Variants in SCLT1 observed in about 807,000 individuals in gnomAD.
SCLT1 encodes sodium channel-associated protein 1.
In SCLT1, 78 loss-of-function variants were observed where a neutral mutation model predicts 112.8. That is an observed-to-expected ratio of 0.69 (90% confidence interval 0.58 to 0.83). The LOEUF (loss-of-function observed/expected upper bound fraction) is 0.83. SCLT1 is among the 40% of genes least tolerant of loss of function. The probability of loss-of-function intolerance (pLI) is 0.00; values close to 1 mark genes in which losing one functional copy is unlikely to be tolerated. For synonymous variants in SCLT1, 257 were observed against 254.7 expected (o/e 1.01, Z -0.09); for missense variants, 747 against 770.4 (o/e 0.97, Z 0.36).
At chr4:129,026,204 T>C (rs1740755417) in intron 5 of SCLT1, among the ~76,000 whole-genome samples, 1 of 151,470 alleles carries the variant, frequency 6.6e-6, no homozygotes, top group South Asian at 2.1e-4. Context: ...GCAGACCTAA[T>C]AGACATCTAC....
At chr4:128,941,282 A>T (rs1442973086) in intron 17 of SCLT1, among the ~76,000 whole-genome samples, 1 of 152,146 alleles carries the variant, frequency 6.6e-6, no homozygotes, top group Non-Finnish European at 1.5e-5. Context: ...AGCAGTATCT[A>T]TCAAAGTTCT....
intron 5 of SCLT1, among the ~76,000 whole-genome samples, chr4:129,026,722 G>C (rs1187138904): frequency 6.6e-6 from 1 of 152,136 alleles, no homozygotes; most frequent in Non-Finnish European, 1.5e-5. Context: ...GAAGGAAACA[G>C]AGACACAAAA....
At chr4:128,938,073 T>G (rs1737364106) in intron 17 of SCLT1, among the ~76,000 whole-genome samples, 1 of 152,186 alleles carries the variant, frequency 6.6e-6, no homozygotes, top group African/African-American at 2.4e-5. Flanking sequence ...CATCTATATT[T>G]TGCTATACTA....
At chr4:129,040,212 C>T (rs745459674) in intron 4 of SCLT1, 51 of 702,366 alleles carry the variant, frequency 7.3e-5, no homozygotes, top group Non-Finnish European at 1.3e-4. Context: ...CCTCGTTATG[C>T]CTGAAACACA....
chr4:128,991,987 T>C (rs1742614024), intron 9 of SCLT1, among the ~76,000 whole-genome samples, 180 bp downstream of exon 9: 1 of 151,804 alleles, frequency 6.6e-6, no homozygotes, highest in South Asian at 2.1e-4. Flanking sequence ...CACAGTTATC[T>C]CCTAATAATC....
Position 128,950,742 on chromosome 4 carries a change from C to T in SCLT1, c.1218+2027G>A, listed in dbSNP as rs115010548. ...ATTTAGAAACTAAAAAAAAGACTTCCAAAAAATTCATCCATCAAAGAAAAG... is the reference window on the plus strand; with the variant it reads ...ATTTAGAAACTAAAAAAAAGACTTCTAAAAAATTCATCCATCAAAGAAAAG... On this transcript the variant is annotated intron_variant, in intron 14 of 20. Transcript: ENST00000281142. 5.8e-3 allele frequency among the ~76,000 whole-genome samples: 875 copies of T among 152,048 alleles called. 7 individuals are homozygous for T. The highest frequency in any genetic ancestry group is 0.034 in the Middle Eastern group (10 of 294).
intron 5 of SCLT1, among the ~76,000 whole-genome samples, chr4:129,006,697 C>T (rs2592956): frequency 0.26 from 39,452 of 151,886 alleles, 6,297 homozygotes; most frequent in Non-Finnish European, 0.35. Flanking sequence ...ATTTTGTTTG[C>T]TTCAGTATCT....
chr4:129,003,624 T>TA (rs1242778173), intron 6 of SCLT1, 117 bp downstream of exon 6: 2 of 860,064 alleles, frequency 2.3e-6, no homozygotes, highest in South Asian at 2.0e-5. Context: ...TTATAAACTG[T>TA]AAAAAATCAT....
chr4:128,948,574 T>C lies in SCLT1; in HGVS notation c.1219-4A>G, dbSNP rs1371107291. The C allele has an allele frequency of 1.3e-6, 2 of 1,590,104 alleles. No homozygotes were observed. The highest frequency in any genetic ancestry group is 1.7e-6 in the Non-Finnish European group (2 of 1,160,820). ...GGCCTTGTTTTTCAGCACACTCCTA[T>C]AAATTCAAGTCATATTGTAAATATA... On this transcript the variant is annotated splice_region_variant and splice_polypyrimidine_tract_variant and intron_variant, in intron 14 of 20. Transcript: ENST00000281142.
At chr4:129,026,909 A>T (rs1196208151) in intron 5 of SCLT1, among the ~76,000 whole-genome samples, 1 of 152,238 alleles carries the variant, frequency 6.6e-6, no homozygotes, top group Non-Finnish European at 1.5e-5. Flanking sequence ...ACCATCAGAG[A>T]ATACTACAAA....
intron 5 of SCLT1, among the ~76,000 whole-genome samples, chr4:129,027,539 A>G (rs1477524479): frequency 1.3e-5 from 2 of 152,154 alleles, no homozygotes; most frequent in Non-Finnish European, 2.9e-5. Context: ...AAATAATAAG[A>G]GCTATCTATG....
At chr4:129,018,384 T>C (rs1311486936) in intron 5 of SCLT1, among the ~76,000 whole-genome samples, 2 of 152,186 alleles carry the variant, frequency 1.3e-5, no homozygotes, top group African/African-American at 4.8e-5. Flanking sequence ...CTCAAAGTAA[T>C]AAATAAAAGT....
chr4:129,039,894 G>A lies in SCLT1; in HGVS notation c.235-798C>T, dbSNP rs761091834. The A allele has an allele frequency of 6.9e-4, 140 of 202,300 alleles. 1 individual carries two copies. Among genetic ancestry groups the A allele is most frequent in the Middle Eastern group, 2.3e-3 (2 of 860 alleles). The allele number at this position is 202,300 out of a possible 1,614,324, so 12.5% of individuals were successfully genotyped here. A position where few individuals can be genotyped will look rare whatever the true frequency, so the allele number is the denominator to read the frequency against. On this transcript the variant is annotated intron_variant, in intron 4 of 20. Transcript: ENST00000281142. ...GTGAATGAGCAAATGGAGAGTGTGC[G>A]CGCGCGCACACACACACACACACAC... is the stretch of plus-strand genomic sequence containing the variant.
intron 2 of SCLT1, among the ~76,000 whole-genome samples, chr4:129,064,055 T>C (rs1477820013): frequency 6.6e-6 from 1 of 152,192 alleles, no homozygotes; most frequent in African/African-American, 2.4e-5. Flanking sequence ...TTTAAACTCC[T>C]AGAAAGGGTG....
intron 9 of SCLT1, among the ~76,000 whole-genome samples, chr4:128,984,453 T>C (rs979753272): frequency 2.0e-5 from 3 of 152,214 alleles, no homozygotes; most frequent in Non-Finnish European, 4.4e-5. Context: ...GAGTTTTCTA[T>C]AAAATTAGGA....
At chr4:129,038,201 A>G (rs747419144) in intron 5 of SCLT1, 1 of 154,130 alleles carries the variant, frequency 6.5e-6, no homozygotes, top group Non-Finnish European at 1.5e-5. Flanking sequence ...AAAAGTATTT[A>G]ACAGTCAAAA....
At chr4:128,930,174 T>G (rs1056366485) in intron 18 of SCLT1, among the ~76,000 whole-genome samples, 11 of 152,116 alleles carry the variant, frequency 7.2e-5, no homozygotes, top group Non-Finnish European at 1.5e-4. Flanking sequence ...GCATTACGTC[T>G]TTTTGCTTTC....
At chr4:129,087,166 C>A (rs1752466817) in intron 1 of SCLT1, among the ~76,000 whole-genome samples, 1 of 152,066 alleles carries the variant, frequency 6.6e-6, no homozygotes, top group Non-Finnish European at 1.5e-5. Flanking sequence ...CTAGAATTGG[C>A]AGGACAAAGG....
intron 18 of SCLT1, among the ~76,000 whole-genome samples, chr4:128,932,489 C>T (rs756573374): frequency 1.3e-5 from 2 of 151,982 alleles, no homozygotes; most frequent in African/African-American, 4.8e-5. Flanking sequence ...GTATATATGA[C>T]AAATCCACAG....
Sources: allele counts gnomAD v4.1 joint callset (sites outside exome capture counted in the v4.1 genomes callset), GRCh38; gene constraint gnomAD v4.1.1; transcripts MANE v1.5; gene names NCBI Gene and HGNC (gene_info 2026-07-23, HGNC 2026-07-21).